The following CERS5 variants were observed in gnomAD, a reference collection of about 807,000 sequenced individuals.
CERS5 encodes LAG1 homolog, ceramide synthase 5.
Under a neutral mutation model 58.9 loss-of-function variants are expected in CERS5, and 37 were observed. That is an observed-to-expected ratio of 0.63 (90% CI 0.48 to 0.83). CERS5 has a LOEUF of 0.83. Ranked by LOEUF, CERS5 falls within the 40% of genes least tolerant of loss-of-function variation. The probability of loss-of-function intolerance (pLI) is 0.00; values close to 1 mark genes in which losing one functional copy is unlikely to be tolerated. For missense variants in CERS5, 398 were observed against 489.3 expected, an observed-to-expected ratio of 0.81 and a Z score of 1.76; for synonymous variants, 147 against 177.8, an observed-to-expected ratio of 0.83 and a Z score of 1.38.
At chr12:50,137,924 A>G in intron 5 of CERS5, 104 bp from the exon 6 acceptor site, 1 of 717,126 alleles carries the variant, frequency 1.4e-6, no homozygotes, top group East Asian at 2.7e-5. Context: ...ATTATTAGAC[A>G]TCTCTCCTCC....
chr12:50,159,098 A>G (rs1592436346), intron 1 of CERS5, among the ~76,000 whole-genome samples: 2 of 152,174 alleles, frequency 1.3e-5, no homozygotes, highest in South Asian at 4.2e-4. Context: ...GAGGCGGGCG[A>G]ATCATGAGGT....
rs775416773 is a variant in CERS5 at position 50,134,711 on chromosome 12, G to C, written c.873-9C>G. The C allele has an allele frequency of 1.2e-6, 2 of 1,610,462 alleles. No homozygotes were observed. The highest frequency in any genetic ancestry group is 1.7e-6 in the Non-Finnish European group (2 of 1,177,856). On this transcript the variant is annotated splice_polypyrimidine_tract_variant and intron_variant, in intron 8 of 9. Transcript: ENST00000317551. ...GGGTCGTGTTCAGAATCCTAGAAGAGGGAGGCCAATAGTCAGATTCTAGAG... is the reference window on the plus strand; with the variant it reads ...GGGTCGTGTTCAGAATCCTAGAAGACGGAGGCCAATAGTCAGATTCTAGAG...
chr12:50,147,827 G>A (rs769195876), intron 1 of CERS5, among the ~76,000 whole-genome samples: 5 of 152,076 alleles, frequency 3.3e-5, no homozygotes, highest in Admixed American at 1.3e-4. Flanking sequence ...ACCCAGGCTG[G>A]AGTGCAGTGG....
chr12:50,167,135 C>T lies in CERS5; in HGVS notation c.163G>A (p.Ala55Thr). ...AGCAGCCTCACGAAGAAGATGCCCGCCGCCAGCGGGAACACCGAGAGGATG... is the reference window on the plus strand; with the variant it reads ...AGCAGCCTCACGAAGAAGATGCCCGTCGCCAGCGGGAACACCGAGAGGATG... ...RHILSVFPLA[A>T]GIFFVRLLFE... The change falls in exon 1 of 10, where the codon GCG becomes ACG. Residue 55 changes from alanine to threonine, a missense_variant. Ala to Thr is a moderately conservative substitution (Grantham distance 58, BLOSUM62 0). This residue lies in a region of CERS5 where 328 missense variants were observed against 384.5 expected (regional missense o/e 0.85). Transcript: ENST00000317551. 1 of 1,576,026 alleles carries T rather than the reference C, an allele frequency of 6.3e-7. No homozygotes were observed. Among genetic ancestry groups the T allele is most frequent in the Non-Finnish European group, 8.6e-7 (1 of 1,165,586 alleles).
In CERS5 at chr12:50,142,021, C is replaced by G. The variant is rs746822366; in HGVS notation, c.492+32G>C. The G allele has an allele frequency of 3.8e-6, 5 of 1,328,566 alleles. No homozygotes were observed. In the African/African-American group the frequency reaches 4.4e-5, roughly 12 times the overall value. 82.3% of individuals were successfully genotyped at this position (1,328,566 alleles called of 1,614,324 possible). A position where few individuals can be genotyped will look rare whatever the true frequency, so the allele number is the denominator to read the frequency against. On this transcript the variant is annotated intron_variant, in intron 4 of 9. Transcript: ENST00000317551. The stretch of plus-strand genomic sequence containing the variant: ...CTAGAGATCTAGGCATGATTAGAAC[C>G]CAACAGAGGACTAGAGAAAGTTAAG...
At chr12:50,163,852 C>A (rs1307273583) in intron 1 of CERS5, among the ~76,000 whole-genome samples, 1 of 151,340 alleles carries the variant, frequency 6.6e-6, no homozygotes, top group African/African-American at 2.4e-5. Flanking sequence ...CAAGGTTTCA[C>A]CATGTTGCCA....
At chr12:50,164,641 A>G (rs1939670596) in intron 1 of CERS5, among the ~76,000 whole-genome samples, 1 of 152,174 alleles carries the variant, frequency 6.6e-6, no homozygotes, top group Non-Finnish European at 1.5e-5. Flanking sequence ...TTATCATACT[A>G]GAATGCTTTC....
chr12:50,152,260 G>A (rs1294212427), intron 1 of CERS5, among the ~76,000 whole-genome samples: 1 of 152,124 alleles, frequency 6.6e-6, no homozygotes, highest in Admixed American at 6.6e-5. Flanking sequence ...CAAATCAATG[G>A]TAGGTAAAAC....
At position 50,134,399 on chromosome 12, in the gene CERS5, C is replaced by A. The variant is rs564445430; in HGVS notation, c.1029+147G>T. ...TAAAATAAAAAAGGCAAAACACTTA[C>A]CGAAGAGGCGAAGACTTTGGAGCCC... On this transcript the variant is annotated intron_variant, in intron 9 of 9. Transcript: ENST00000317551. 1.5e-4 allele frequency: 241 copies of A among 1,588,066 alleles called. 3 individuals are homozygous for A. In the South Asian group the frequency reaches 2.2e-3, roughly 15 times the overall value.
chr12:50,151,861 T>A (rs1174858092), intron 1 of CERS5, among the ~76,000 whole-genome samples: 1 of 152,188 alleles, frequency 6.6e-6, no homozygotes, highest in Non-Finnish European at 1.5e-5. Context: ...GCCAGGCTGG[T>A]CCCGAACTCC....
chr12:50,152,257 A>G (rs934088050), intron 1 of CERS5, among the ~76,000 whole-genome samples: 19 of 152,184 alleles, frequency 1.2e-4, no homozygotes, highest in Non-Finnish European at 1.8e-4. Flanking sequence ...GTGCAAATCA[A>G]TGGTAGGTAA....
chr12:50,159,574 G>T (rs1365518964), intron 1 of CERS5, among the ~76,000 whole-genome samples: 2 of 152,082 alleles, frequency 1.3e-5, no homozygotes, highest in African/African-American at 4.8e-5. Flanking sequence ...AATATAATGT[G>T]AGTCACATAT....
At chr12:50,138,476 C>T (rs1458965503) in intron 5 of CERS5, 91 bp downstream of exon 5, 1 of 1,030,688 alleles carries the variant, frequency 9.7e-7, no homozygotes, top group Admixed American at 1.7e-5. Flanking sequence ...CAAGGAAACG[C>T]ACCATCTGTC....
intron 1 of CERS5, among the ~76,000 whole-genome samples, chr12:50,153,269 ATTTTTT>A (rs202197775): frequency 4.5e-4 from 42 of 93,446 alleles, no homozygotes; most frequent in African/African-American, 9.0e-4. Context: ...AACTAATATG[ATTTTTT>A]TTTTTTTTTT....
chr12:50,139,997 A>T (rs1333128865), intron 4 of CERS5, among the ~76,000 whole-genome samples: 2 of 151,804 alleles, frequency 1.3e-5, no homozygotes, highest in East Asian at 3.9e-4. Context: ...TGAGGGGAGT[A>T]CAGGGGTGAG....
At chr12:50,159,442 C>A (rs1939029968) in intron 1 of CERS5, among the ~76,000 whole-genome samples, 1 of 152,134 alleles carries the variant, frequency 6.6e-6, no homozygotes, top group South Asian at 2.1e-4. Context: ...TTTAAAGGAA[C>A]ATCTAATACC....
chr12:50,136,422 G>A (rs1186523695), intron 6 of CERS5, among the ~76,000 whole-genome samples: 8 of 151,618 alleles, frequency 5.3e-5, no homozygotes, highest in Non-Finnish European at 7.4e-5. Context: ...GCAGTGAGCT[G>A]AGATCGCGCC....
chr12:50,133,457 T>G (rs538151683), intron 9 of CERS5: 49 of 999,022 alleles, frequency 4.9e-5, no homozygotes, highest in Non-Finnish European at 5.8e-5. Flanking sequence ...AGGTGGGTAT[T>G]TAGTTCCTTA....
At chr12:50,140,745 A>G (rs755300561) in intron 4 of CERS5, among the ~76,000 whole-genome samples, 1 of 151,662 alleles carries the variant, frequency 6.6e-6, no homozygotes, top group Non-Finnish European at 1.5e-5. Flanking sequence ...CTTGAAAATT[A>G]TATGTATTCT....
Sources: gnomAD v4.1 joint callset for allele counts (sites outside exome capture counted in the v4.1 genomes callset) on GRCh38, gnomAD v4.1.1 for gene constraint, gnomAD v4.1.1 regional missense constraint, MANE v1.5 for transcripts, NCBI Gene and HGNC (gene_info 2026-07-23, HGNC 2026-07-21) for gene names.